KIRREL2: variants seen among roughly 807,000 people sequenced by gnomAD.
KIRREL2 encodes the protein kirre like nephrin family adhesion molecule 2, also known as kin of IRRE-like protein 2.
KIRREL2 carries 56 observed loss-of-function variants against 73.4 expected under a neutral mutation model. The observed-to-expected ratio is 0.76, with a 90% CI of 0.62 to 0.95. KIRREL2 has a LOEUF of 0.95. Ranked by LOEUF, KIRREL2 falls within the 40% of genes least tolerant of loss-of-function variation. The pLI is 0.00. For synonymous variants in KIRREL2, 407 were observed against 404.0 expected, an observed-to-expected ratio of 1.01 and a Z score of -0.09; for missense variants, 896 against 935.0, an observed-to-expected ratio of 0.96 and a Z score of 0.54.
upstream of KIRREL2, chr19:35,851,407 G>C: frequency 1.2e-6 from 2 of 1,612,748 alleles, no homozygotes; most frequent in South Asian, 2.2e-5. Flanking sequence ...CCGGAAGTCA[G>C]GGCCGCAGCT....
intron 11 of KIRREL2, 61 bp downstream of exon 11, chr19:35,862,085 C>T (rs545867902): frequency 7.7e-6 from 11 of 1,432,238 alleles, no homozygotes; most frequent in African/African-American, 1.4e-5. Context: ...ACGCAGGGAT[C>T]CCCCAGCCGA....
chr19:35,863,344 A>C (rs1334591577), intron 13 of KIRREL2, among the ~76,000 whole-genome samples: 1 of 151,868 alleles, frequency 6.6e-6, no homozygotes. Flanking sequence ...GGATCCCTTG[A>C]GCACAGGAGG....
Position 35,858,864 on chromosome 19 carries a change from G to C in KIRREL2, c.522G>C (p.Gln174His), listed in dbSNP as rs760571080. The change falls in exon 4 of 15, where the codon CAG (glutamine) becomes CAC (histidine). Residue 174 changes from glutamine (Q) to histidine (H), a missense_variant and splice_region_variant. By Grantham distance (24) the Gln-to-His change is conservative. Coordinates refer to ENST00000360202, the MANE Select transcript of KIRREL2 (RefSeq NM_199180.4). ...GVLLDGATFH[Q>H]TLLKEGTPGS... The stretch of plus-strand genomic sequence containing the variant: ...TGTTGGATGGAGCCACCTTCCATCA[G>C]GTCAGGTCCAAATTCCTGTGCTAGC... 1 of 1,614,156 alleles carries C rather than the reference G, an allele frequency of 6.2e-7. No homozygotes were observed.
chr19:35,867,051 G>T lies in KIRREL2; in HGVS notation c.*559G>T. Reference sequence around the variant, plus strand: ...AGAAAGACTTGGACCCAAGGAGTGGGGATACAGTGAGAATTACCACTGTTG... The same window carrying T: ...AGAAAGACTTGGACCCAAGGAGTGGTGATACAGTGAGAATTACCACTGTTG... On this transcript the variant is annotated 3_prime_UTR_variant, in exon 15 of 15. Coordinates refer to ENST00000360202, the MANE Select transcript of KIRREL2 (RefSeq NM_199180.4). The T allele has an allele frequency of 6.5e-6, 1 of 154,096 alleles. No homozygotes were observed. 9.5% of individuals were successfully genotyped at this position (154,096 alleles called of 1,614,324 possible). A position where few individuals can be genotyped will look rare whatever the true frequency, so the allele number is the denominator to read the frequency against.
In KIRREL2 at chr19:35,866,441, A is replaced by G. The variant is rs1599876264; in HGVS notation, c.2076A>G (p.Pro692=). ...TGGCCCCCGGGACTCCCCCCTTCCC[A>G]TATGCTGCCTTCCCCACACCTAGCC... The part of the protein sequence containing the change: ...PDLAPGTPPF[P]YAAFPTPSHP... The change falls in exon 15 of 15, where the codon CCA becomes CCG. Residue 692 remains proline, a synonymous_variant. Transcript: ENST00000360202. 1.3e-6 allele frequency: 2 copies of G among 1,584,868 alleles called. No homozygotes were observed.
intron 10 of KIRREL2, 31 bp downstream of exon 10, chr19:35,861,672 T>C (rs368547457): frequency 6.2e-6 from 10 of 1,607,384 alleles, no homozygotes; most frequent in Admixed American, 3.4e-5. Flanking sequence ...CCGTGACCCA[T>C]CCAGCCGTGA....
chr19:35,856,223 T>A (rs557230765), upstream of KIRREL2, among the ~76,000 whole-genome samples: 5 of 152,252 alleles, frequency 3.3e-5, no homozygotes, highest in East Asian at 9.7e-4. The surrounding 1 kb of genome is among the most constrained non-coding windows in gnomAD (Gnocchi z 5.9). Flanking sequence ...CCAGCCTCCC[T>A]GCCTGCCCCG....
upstream of KIRREL2, among the ~76,000 whole-genome samples, chr19:35,853,702 TTCTC>T (rs1973338399): frequency 6.6e-6 from 1 of 151,868 alleles, no homozygotes; most frequent in South Asian, 2.1e-4. Context: ...GACAGGGTCT[TTCTC>T]TATTGCCCAG....
At chr19:35,856,203 T>C (rs1599854409), upstream of KIRREL2, among the ~76,000 whole-genome samples, 1 of 152,136 alleles carries the variant, frequency 6.6e-6, no homozygotes, top group East Asian at 1.9e-4. The surrounding 1 kb of genome is among the most constrained non-coding windows in gnomAD (Gnocchi z 5.9). Context: ...CAGGACAAGC[T>C]GCGCGGTTCC....
chr19:35,862,165 C>T (rs1973723723), intron 11 of KIRREL2, 141 bp downstream of exon 11: 1 of 693,684 alleles, frequency 1.4e-6, no homozygotes. Context: ...AAACTGTGGG[C>T]TCATTGATTC....
At position 35,860,574 on chromosome 19, in the gene KIRREL2, G is replaced by A. The variant is rs1379095131; in HGVS notation, c.835G>A (p.Val279Met). Residue 279 changes from valine to methionine, a missense_variant, in exon 7 of 15, where the codon GTG becomes ATG. Transcript: ENST00000360202. The part of the protein sequence containing the change: ...LGARGPRLEV[V>M]ADASFLTEPV... ...GGCCCGCGGGCCAAGGTTAGAGGTC[G>A]TGGCAGACGCCTCGTTCCTGACTGA... is the stretch of plus-strand genomic sequence containing the variant. 3 of 1,603,450 alleles carry A rather than the reference G, an allele frequency of 1.9e-6. No individual in the cohort carries two copies. Among genetic ancestry groups the A allele is most frequent in the Non-Finnish European group, 2.5e-6 (3 of 1,179,940 alleles).
chr19:35,858,710 C>A lies in KIRREL2; in HGVS notation c.368C>A (p.Pro123Gln). 6.2e-7 allele frequency: 1 copy of A among 1,614,034 alleles called. No individual in the cohort carries two copies. The highest frequency in any genetic ancestry group is 1.7e-5 in the Admixed American group (1 of 60,026). ...RPAQLHVLVP[P>Q]EAPQVLGGPS... is the part of the protein sequence containing the mutation. Reference sequence around the variant, plus strand: ...CCCCAAATCCACCTTGCAGTCCCCCCAGAAGCCCCCCAGGTGCTGGGCGGC... The same window carrying A: ...CCCCAAATCCACCTTGCAGTCCCCCAAGAAGCCCCCCAGGTGCTGGGCGGC... Residue 123 changes from proline to glutamine, a missense_variant, in exon 4 of 15, where the codon CCA (proline) becomes CAA (glutamine). Coordinates refer to ENST00000360202, the MANE Select transcript of KIRREL2 (RefSeq NM_199180.4).
At position 35,866,227 on chromosome 19, in the gene KIRREL2, G is replaced by A. The variant is rs777136300; in HGVS notation, c.1862G>A (p.Gly621Glu). Reference sequence around the variant, plus strand: ...CTGAGCCTTGGCGAAGCCCCTGGAGGAGGTCTCTTCCTGCCACCACCCTCC... The same window carrying A: ...CTGAGCCTTGGCGAAGCCCCTGGAGAAGGTCTCTTCCTGCCACCACCCTCC... The part of the protein sequence containing the change: ...VSLSLGEAPG[G>E]GLFLPPPSPL... The change falls in exon 15 of 15, where the codon GGA becomes GAA. Residue 621 changes from glycine (G) to glutamate (E), a missense_variant. Gly to Glu is a moderately conservative substitution (Grantham distance 98, BLOSUM62 -2). Transcript: ENST00000360202. 2.5e-6 allele frequency: 4 copies of A among 1,612,716 alleles called. No individual in the cohort carries two copies. In the African/African-American group the frequency reaches 5.3e-5, roughly 22 times the overall value.
chr19:35,864,800 T>A, intron 14 of KIRREL2, 87 bp downstream of exon 14: 1 of 1,031,328 alleles, frequency 9.7e-7, no homozygotes, highest in Non-Finnish European at 1.5e-6. Context: ...CCCACGCCTG[T>A]CCCCTCCTTT....
upstream of KIRREL2, among the ~76,000 whole-genome samples, chr19:35,853,079 G>A (rs1438863654): frequency 6.6e-6 from 1 of 151,352 alleles, no homozygotes. Flanking sequence ...ACAGACATGA[G>A]CCACCGCACC....
At position 35,861,617 on chromosome 19, in the gene KIRREL2, C is replaced by T. The variant is rs768195930; in HGVS notation, c.1266C>T (p.Phe422=). The part of the protein sequence containing the change: ...RGPARLQCLV[F]ASPAPDAVVW... ...CTGCTCGCCTCCAGTGTCTGGTTTT[C>T]GCCTCTCCCGCCCCAGATGCCGTGG... The change falls in exon 10 of 15, where the codon TTC becomes TTT. Residue 422 remains phenylalanine (F), a synonymous_variant. Transcript: ENST00000360202. The T allele has an allele frequency of 1.2e-6, 2 of 1,613,598 alleles. No homozygotes were observed. The highest frequency in any genetic ancestry group is 1.1e-5 in the South Asian group (1 of 91,042).
upstream of KIRREL2, chr19:35,851,488 C>G (rs116288626): frequency 6.2e-7 from 1 of 1,613,648 alleles, no homozygotes; most frequent in Non-Finnish European, 8.5e-7. Flanking sequence ...GGCGGTACCT[C>G]GGGAAGCCTG....
At chr19:35,864,571 G>T in intron 13 of KIRREL2, 77 bp from the exon 14 acceptor site, 1 of 1,226,884 alleles carries the variant, frequency 8.2e-7, no homozygotes, top group Non-Finnish European at 1.2e-6. Context: ...CCACTGGCTG[G>T]CTGAAGGTCC....
chr19:35,859,810 C>T (rs918895599), intron 5 of KIRREL2, among the ~76,000 whole-genome samples, 179 bp downstream of exon 5: 2 of 152,034 alleles, frequency 1.3e-5, no homozygotes, highest in Non-Finnish European at 2.9e-5. Flanking sequence ...TTTGGGAGGT[C>T]GAGGCAGGCG....
Sources: allele counts gnomAD v4.1 joint callset (sites outside exome capture counted in the v4.1 genomes callset), GRCh38; gene constraint gnomAD v4.1.1; non-coding constraint Gnocchi (gnomAD v3.1); transcripts MANE v1.5; gene names NCBI Gene and HGNC (gene_info 2026-07-23, HGNC 2026-07-21).